Variants in NFIB observed in about 807,000 individuals in gnomAD.
NFIB encodes the protein nuclear factor 1 B-type.
NFIB carries 11 observed loss-of-function variants against 61.5 expected under a neutral mutation model. The ratio of observed to expected loss-of-function variants is 0.18; its 90% CI spans 0.11 to 0.30. The LOEUF (loss-of-function observed/expected upper bound fraction) is 0.30, where lower values mean the gene tolerates loss of function less well. Ranked by LOEUF, NFIB falls within the 10% of genes least tolerant of loss-of-function variation. NFIB has a pLI of 1.00. For synonymous variants in NFIB, 260 were observed against 216.5 expected (o/e 1.20, Z -1.76); for missense variants, 471 against 608.9 (o/e 0.77, Z 2.38).
upstream of NFIB, among the ~76,000 whole-genome samples, chr9:14,402,724 G>A (rs1784206078): frequency 6.6e-6 from 1 of 152,104 alleles, no homozygotes; most frequent in Non-Finnish European, 1.5e-5. Context: ...ACTTTGCAAA[G>A]CATTTTGCTT....
chr9:14,127,932 C>CAAAA (rs201442988), intron 6 of NFIB, among the ~76,000 whole-genome samples: 1 of 87,222 alleles, frequency 1.1e-5, no homozygotes, highest in African/African-American at 3.9e-5. Context: ...ATATCTTTTT[C>CAAAA]AAAAAAAAAA....
At chr9:14,514,039 A>G in the NFIB span, among the ~76,000 whole-genome samples, 1 of 152,152 alleles carries the variant, frequency 6.6e-6, no homozygotes, top group Non-Finnish European at 1.5e-5. Context: ...ATTTTTATCA[A>G]TTGCTAGCTT....
chr9:14,342,318 T>C (rs1006629428), intron 1 of NFIB, among the ~76,000 whole-genome samples: 2 of 152,168 alleles, frequency 1.3e-5, no homozygotes, highest in African/African-American at 4.8e-5. Flanking sequence ...TTACTGGGAC[T>C]CAAGGAGCAA....
At chr9:14,485,023 A>AGATT in the NFIB span, among the ~76,000 whole-genome samples, 1 of 151,888 alleles carries the variant, frequency 6.6e-6, no homozygotes, top group South Asian at 2.1e-4. Context: ...AGAGAGAGAG[A>AGATT]GATTGATTGA....
the NFIB span, among the ~76,000 whole-genome samples, chr9:14,497,571 T>C: frequency 2.4e-4 from 36 of 152,236 alleles, no homozygotes; most frequent in Non-Finnish European, 4.6e-4. Context: ...ACTTTTCAAA[T>C]GCCATCTTAT....
chr9:14,496,175 TTTTTTA>T, the NFIB span, among the ~76,000 whole-genome samples: 1 of 152,232 alleles, frequency 6.6e-6, no homozygotes, highest in Non-Finnish European at 1.5e-5. Context: ...GTGCTTCAAA[TTTTTTA>T]TTTTTATCTT....
At chr9:14,457,896 G>A in the NFIB span, among the ~76,000 whole-genome samples, 2 of 152,130 alleles carry the variant, frequency 1.3e-5, no homozygotes, top group East Asian at 3.8e-4. Flanking sequence ...ACCAAAAAAA[G>A]TCCAGGACCA....
At chr9:14,214,253 G>C (rs12682915) in intron 2 of NFIB, among the ~76,000 whole-genome samples, 26,043 of 152,150 alleles carry the variant, frequency 0.17, 2,587 homozygotes, top group South Asian at 0.37. Flanking sequence ...CACAGGTCCT[G>C]AGCATGCTCA....
chr9:14,424,680 T>A, the NFIB span, among the ~76,000 whole-genome samples: 1 of 152,182 alleles, frequency 6.6e-6, no homozygotes, highest in Admixed American at 6.5e-5. Flanking sequence ...GCTGGAGCCA[T>A]GGGTCTTATT....
intron 6 of NFIB, among the ~76,000 whole-genome samples, chr9:14,128,753 T>G (rs2040030899): frequency 6.6e-6 from 1 of 151,604 alleles, no homozygotes; most frequent in Non-Finnish European, 1.5e-5. Flanking sequence ...ACAGTGTCGT[T>G]CTGGGTATGT....
At chr9:14,496,019 A>G in the NFIB span, among the ~76,000 whole-genome samples, 1 of 152,198 alleles carries the variant, frequency 6.6e-6, no homozygotes, top group Non-Finnish European at 1.5e-5. Flanking sequence ...GCTACCTCAT[A>G]GGGCTGTTGT....
rs544896926 is a variant in NFIB at position 14,245,279 on chromosome 9, T to C, written c.562+61710A>G. ...ACAGTCACACCCAACTCCTTCTCCC[T>C]ACATCCATAATAATATGCCTCCTTC... On this transcript the variant is annotated intron_variant, in intron 2 of 10. Coordinates refer to ENST00000380953, the MANE Select transcript of NFIB (RefSeq NM_001190737.2). Among the ~76,000 whole-genome samples, 50 of 152,188 alleles carry C rather than the reference T, an allele frequency of 3.3e-4. 1 individual carries two copies. The highest frequency in any genetic ancestry group is 2.1e-4 in the Non-Finnish European group (14 of 68,036).
chr9:14,227,713 C>G (rs2052609581), intron 2 of NFIB, among the ~76,000 whole-genome samples: 1 of 152,152 alleles, frequency 6.6e-6, no homozygotes, highest in Non-Finnish European at 1.5e-5. Context: ...ATGTTTCACT[C>G]TAATTCTCAA....
At chr9:14,298,111 C>T (rs895776226) in intron 2 of NFIB, among the ~76,000 whole-genome samples, 1 of 152,004 alleles carries the variant, frequency 6.6e-6, no homozygotes, top group African/African-American at 2.4e-5. Context: ...ATTTAAGTCA[C>T]AAAAGATAGG....
chr9:14,467,102 C>A, the NFIB span, among the ~76,000 whole-genome samples: 1 of 152,144 alleles, frequency 6.6e-6, no homozygotes, highest in Admixed American at 6.5e-5. Flanking sequence ...CTAGGTTTCC[C>A]TTCGAGGTGT....
At chr9:14,477,215 G>T in the NFIB span, among the ~76,000 whole-genome samples, 1 of 152,260 alleles carries the variant, frequency 6.6e-6, no homozygotes, top group East Asian at 1.9e-4. Context: ...AGAAGTGACT[G>T]CTTACCAAGT....
At position 14,148,431 on chromosome 9, in the gene NFIB, TA is replaced by T. The variant is rs1026509594; in HGVS notation, c.807-1625del. ...GCCCAGTGAATATTTTTTCTTTAAT[TA>T]AAAAAAAAATCTTATTCACACCTAT... On this transcript the variant is annotated intron_variant, in intron 5 of 10. Coordinates refer to ENST00000380953, the MANE Select transcript of NFIB (RefSeq NM_001190737.2). 3.3e-4 allele frequency among the ~76,000 whole-genome samples: 49 copies of T among 150,314 alleles called. 1 individual carries two copies. Among genetic ancestry groups the T allele is most frequent in the African/African-American group, 1.0e-3 (42 of 41,052 alleles).
At chr9:14,335,158 A>G (rs939051811) in intron 1 of NFIB, among the ~76,000 whole-genome samples, 11 of 152,330 alleles carry the variant, frequency 7.2e-5, no homozygotes, top group African/African-American at 2.2e-4. Flanking sequence ...AAGTCTTTGT[A>G]TGGACATGTA....
chr9:14,360,611 C>A (rs1370189187), intron 1 of NFIB, among the ~76,000 whole-genome samples: 1 of 150,144 alleles, frequency 6.7e-6, no homozygotes, highest in Non-Finnish European at 1.5e-5. Context: ...GTGGCGCGAT[C>A]TCGGCTCACT....
Sources: gnomAD v4.1 joint callset for allele counts (sites outside exome capture counted in the v4.1 genomes callset) on GRCh38, gnomAD v4.1.1 for gene constraint, MANE v1.5 for transcripts, NCBI Gene and HGNC (gene_info 2026-07-23, HGNC 2026-07-21) for gene names.